The following HMGN5 variants were observed in gnomAD, a reference collection of about 807,000 sequenced individuals.
HMGN5 encodes the protein high mobility group nucleosome-binding domain-containing protein 5.
In HMGN5, 4 loss-of-function variants were observed where a neutral mutation model predicts 9.5. The ratio of observed to expected loss-of-function variants is 0.42; its 90% CI spans 0.21 to 0.96. HMGN5 has a LOEUF of 0.96. Ranked by LOEUF, HMGN5 falls within the 40% of genes least tolerant of loss-of-function variation. The pLI is 0.30. For missense variants in HMGN5, 192 were observed against 187.5 expected (o/e 1.02, Z -0.14); for synonymous variants, 55 against 57.1 (o/e 0.96, Z 0.16).
chrX:81,138,764 A>C (rs1016483200), intron 1 of HMGN5, among the ~76,000 whole-genome samples: 1 of 112,034 alleles, frequency 8.9e-6, no homozygotes, highest in Non-Finnish European at 1.9e-5. Flanking sequence ...AACCTCTAGA[A>C]CTAATAAGTG....
Position 81,115,136 on chromosome X carries a change from G to A in HMGN5, c.362C>T (p.Ala121Val). 1 of 1,156,310 alleles carries A rather than the reference G, an allele frequency of 8.6e-7. No homozygotes were observed. Among genetic ancestry groups the A allele is most frequent in the Non-Finnish European group, 1.2e-6 (1 of 868,352 alleles). Reference protein sequence around the residue: ...KGGEKKEAVAAEVKNEEEDQK... With the variant: ...KGGEKKEAVAVEVKNEEEDQK... Reference sequence around the variant, plus strand: ...ATCTTCTTCTTCATTTTTTACTTCTGCTGCCACTGCTTCTTTCTTTTCTCC... The same window carrying A: ...ATCTTCTTCTTCATTTTTTACTTCTACTGCCACTGCTTCTTTCTTTTCTCC... The change falls in exon 7 of 7, where the codon GCA (alanine) becomes GTA (valine). Residue 121 changes from alanine to valine, a missense_variant. By Grantham distance (64) the Ala-to-Val change is moderately conservative. Transcript: ENST00000358130.
At chrX:81,136,974 A>T (rs774710243) in intron 1 of HMGN5, among the ~76,000 whole-genome samples, 2 of 111,869 alleles carry the variant, frequency 1.8e-5, no homozygotes, top group South Asian at 3.7e-4. Flanking sequence ...TGATAAAAGG[A>T]TCAATTCACC....
chrX:81,131,547 G>A (rs1797800173), intron 1 of HMGN5, among the ~76,000 whole-genome samples: 1 of 111,312 alleles, frequency 9.0e-6, no homozygotes, highest in African/African-American at 3.3e-5. Context: ...CTGATCTGTG[G>A]AATAATTTAG....
In HMGN5 at chrX:81,114,139, T is replaced by C. The variant is rs927780676; in HGVS notation, c.*510A>G. On this transcript the variant is annotated 3_prime_UTR_variant, in exon 7 of 7. Coordinates refer to ENST00000358130, the MANE Select transcript of HMGN5 (RefSeq NM_030763.3). Reference sequence around the variant, plus strand: ...TATTCACATATAATCAAAACTGCCCTTCTGAAATAAACATTTGTATTTATT... The same window carrying C: ...TATTCACATATAATCAAAACTGCCCCTCTGAAATAAACATTTGTATTTATT... 1 of 112,013 alleles carries C rather than the reference T, an allele frequency of 8.9e-6. No individual in the cohort carries two copies. Among genetic ancestry groups the C allele is most frequent in the African/African-American group, 3.2e-5 (1 of 30,856 alleles). 9.2% of individuals were successfully genotyped at this position (112,013 alleles called of 1,213,427 possible).
chrX:81,115,350 G>T, intron 6 of HMGN5, 120 bp from the exon 7 acceptor site: 1 of 823,696 alleles, frequency 1.2e-6, no homozygotes, highest in Admixed American at 5.1e-5. Flanking sequence ...TTTAAAGAAA[G>T]TAATTTTCCT....
Position 81,114,782 on chromosome X carries a change from T to G in HMGN5, c.716A>C (p.Lys239Thr). The G allele has an allele frequency of 8.6e-7, 1 of 1,163,558 alleles. No individual in the cohort carries two copies. Among genetic ancestry groups the G allele is most frequent in the Non-Finnish European group, 1.1e-6 (1 of 871,551 alleles). ...TTCCTCATTTCCACCTTCATCTTCT[T>G]TTCCATCTTCTCTCTCTTTTTCATC... Reference protein sequence around the residue: ...KEDEKEREDGKEDEGGNEEEA... With the variant: ...KEDEKEREDGTEDEGGNEEEA... The change falls in exon 7 of 7, where the codon AAA becomes ACA. Residue 239 changes from lysine to threonine, a missense_variant. Transcript: ENST00000358130.
chrX:81,171,089 C>T (rs747282286), intron 1 of HMGN5, among the ~76,000 whole-genome samples: 108 of 111,393 alleles, frequency 9.7e-4, no homozygotes, highest in African/African-American at 2.9e-3. Flanking sequence ...AATAACACAT[C>T]GCTATTGAGA....
intron 1 of HMGN5, among the ~76,000 whole-genome samples, chrX:81,152,793 C>G (rs1466068882): frequency 1.8e-5 from 2 of 109,168 alleles, no homozygotes; most frequent in Non-Finnish European, 3.8e-5. Flanking sequence ...GGCACATATA[C>G]ACCATGGAAT....
chrX:81,121,754 G>A, intron 1 of HMGN5, 82 bp from the exon 2 acceptor site: 1 of 343,591 alleles, frequency 2.9e-6, no homozygotes, highest in Non-Finnish European at 5.1e-6. Flanking sequence ...GTTAACCGGA[G>A]TGGGAGCCAC....
intron 1 of HMGN5, among the ~76,000 whole-genome samples, chrX:81,136,084 C>G (rs1170858407): frequency 8.9e-6 from 1 of 111,781 alleles, no homozygotes; most frequent in African/African-American, 3.2e-5. Flanking sequence ...AATTTTCCAG[C>G]CTCCAGAACT....
intron 3 of HMGN5, 141 bp from the exon 4 acceptor site, chrX:81,118,900 G>C (rs775990675): frequency 2.3e-6 from 1 of 430,099 alleles, no homozygotes; most frequent in African/African-American, 2.6e-5. Flanking sequence ...GAAAATACAA[G>C]AGAAATATAA....
intron 1 of HMGN5, among the ~76,000 whole-genome samples, chrX:81,126,602 G>A (rs1461052083): frequency 1.8e-5 from 2 of 111,653 alleles, no homozygotes; most frequent in Non-Finnish European, 3.8e-5. Flanking sequence ...AAAAATTGCG[G>A]ATGAGATTCA....
chrX:81,188,756 T>C (rs1201775698), intron 1 of HMGN5, among the ~76,000 whole-genome samples: 1 of 110,547 alleles, frequency 9.0e-6, no homozygotes, highest in African/African-American at 3.3e-5. Context: ...GATAGTTTGC[T>C]GAGAATGATG....
rs530927850 is a variant in HMGN5 at position 81,158,914 on chromosome X, T to C, written c.-123-37242A>G. Among the ~76,000 whole-genome samples, 18 of 111,804 alleles carry C rather than the reference T, an allele frequency of 1.6e-4. No homozygotes were observed. In the South Asian group the frequency reaches 6.8e-3, roughly 42 times the overall value. On this transcript the variant is annotated intron_variant, in intron 1 of 6. Coordinates refer to ENST00000358130, the MANE Select transcript of HMGN5 (RefSeq NM_030763.3). ...ATCCAAAGGAACATAAATCATTCTA[T>C]TACAAACATACATGCACGTGTATGT...
chrX:81,145,286 T>A (rs933264557), intron 1 of HMGN5, among the ~76,000 whole-genome samples: 1 of 111,890 alleles, frequency 8.9e-6, no homozygotes. Context: ...GGGGAACCCA[T>A]CACACTAACA....
chrX:81,143,023 GT>G (rs2075333870), intron 1 of HMGN5, among the ~76,000 whole-genome samples: 1 of 111,479 alleles, frequency 9.0e-6, no homozygotes, highest in Non-Finnish European at 1.9e-5. Context: ...TTTTTTAATT[GT>G]TTATTTGTTG....
chrX:81,137,826 G>A (rs2075315649), intron 1 of HMGN5, among the ~76,000 whole-genome samples: 1 of 111,340 alleles, frequency 9.0e-6, no homozygotes, highest in African/African-American at 3.2e-5. Context: ...AACAAAAACA[G>A]ATTGCACAAG....
chrX:81,137,733 A>G (rs1439007151), intron 1 of HMGN5, among the ~76,000 whole-genome samples: 2 of 111,928 alleles, frequency 1.8e-5, no homozygotes, highest in African/African-American at 6.5e-5. Context: ...GAAAACAGAA[A>G]AACATTGGAG....
chrX:81,186,214 G>T, intron 1 of HMGN5, among the ~76,000 whole-genome samples: 1 of 111,624 alleles, frequency 9.0e-6, no homozygotes, highest in African/African-American at 3.2e-5. Context: ...ATGTTTGGTG[G>T]AATTCAGCAG....
Sources: gnomAD v4.1 joint callset for allele counts (sites outside exome capture counted in the v4.1 genomes callset) on GRCh38, gnomAD v4.1.1 for gene constraint, MANE v1.5 for transcripts, NCBI Gene and HGNC (gene_info 2026-07-23, HGNC 2026-07-21) for gene names.